THSD4: variants seen among roughly 807,000 people sequenced by gnomAD.
The protein encoded by THSD4 is thrombospondin type 1 domain containing 4.
A neutral mutation model predicts 119.0 loss-of-function variants in THSD4; 69 were observed. That is an observed-to-expected ratio of 0.58 (90% CI 0.48 to 0.71). The LOEUF (loss-of-function observed/expected upper bound fraction) is 0.71, where lower values mean the gene tolerates loss of function less well. Ranked by LOEUF, THSD4 falls within the 30% of genes least tolerant of loss-of-function variation. THSD4 has a pLI of 0.00. For missense variants in THSD4, 1,393 were observed against 1,391.1 expected, an observed-to-expected ratio of 1.00 and a Z score of -0.02; for synonymous variants, 524 against 540.4, an observed-to-expected ratio of 0.97 and a Z score of 0.42.
chr15:71,757,914 T>C lies in THSD4; in HGVS notation c.2428T>C (p.Cys810Arg). ...TEWSERCSAE[C>R]GAGVRTRSVV... ...CCCTGTCTCACAGTGCTCAGCGGAG[T>C]GTGGGGCCGGAGTGCGGACACGCTC... is the stretch of plus-strand genomic sequence containing the variant. The change falls in exon 15 of 18, where the codon TGT (cysteine) becomes CGT (arginine). Residue 810 changes from cysteine (C) to arginine (R), a missense_variant. By Grantham distance (180) the Cys-to-Arg change is radical. Transcript: ENST00000261862. 6.2e-7 allele frequency: 1 copy of C among 1,613,300 alleles called. No individual in the cohort carries two copies. Among genetic ancestry groups the C allele is most frequent in the Non-Finnish European group, 8.5e-7 (1 of 1,179,946 alleles).
At chr15:71,374,881 A>T (rs1272157031) in intron 6 of THSD4, among the ~76,000 whole-genome samples, 2 of 152,246 alleles carry the variant, frequency 1.3e-5, no homozygotes, top group Non-Finnish European at 2.9e-5. Flanking sequence ...ATTAATCACC[A>T]TGCACAGACG....
chr15:71,680,186 T>G (rs747150419), intron 8 of THSD4, among the ~76,000 whole-genome samples: 2 of 152,168 alleles, frequency 1.3e-5, no homozygotes, highest in African/African-American at 2.4e-5. Context: ...CTAAATCCCT[T>G]CCCTTGTCTC....
At chr15:71,642,421 A>T (rs2050875914) in intron 7 of THSD4, among the ~76,000 whole-genome samples, 1 of 152,050 alleles carries the variant, frequency 6.6e-6, no homozygotes, top group African/African-American at 2.4e-5. Flanking sequence ...AACTAGAAAT[A>T]CCATTTGACC....
intron 7 of THSD4, among the ~76,000 whole-genome samples, chr15:71,542,084 G>A (rs1377118287): frequency 6.6e-6 from 1 of 152,238 alleles, no homozygotes; most frequent in Non-Finnish European, 1.5e-5. Flanking sequence ...AATATATGGA[G>A]GAGGCGGGAC....
chr15:71,187,052 C>T (rs2043613879), intron 3 of THSD4: 1 of 152,224 alleles, frequency 6.6e-6, no homozygotes, highest in Admixed American at 6.5e-5. Context: ...AGTGGAAAAG[C>T]AGCCTTTTCA....
At chr15:71,270,811 G>A (rs2044519366) in intron 6 of THSD4, among the ~76,000 whole-genome samples, 1 of 7,066 alleles carries the variant, frequency 1.4e-4, no homozygotes, top group Admixed American at 2.6e-3. Flanking sequence ...GGGAATTAGA[G>A]TGGTCAGGTA....
chr15:71,357,336 G>T (rs145993514), intron 6 of THSD4, among the ~76,000 whole-genome samples: 1 of 152,338 alleles, frequency 6.6e-6, no homozygotes, highest in East Asian at 1.9e-4. Flanking sequence ...CATCGCTGAG[G>T]TGTTGCTGAG....
intron 17 of THSD4, among the ~76,000 whole-genome samples, chr15:71,773,454 T>G (rs1010421979): frequency 1.3e-5 from 2 of 152,228 alleles, no homozygotes; most frequent in South Asian, 2.1e-4. Flanking sequence ...GTGTTGCCAC[T>G]GTTTTTGTCT....
In THSD4 at chr15:71,682,878, T is replaced by TC. The variant is rs2051817124; in HGVS notation, c.1357+22144_1357+22145insC. On this transcript the variant is annotated intron_variant, in intron 8 of 17. Coordinates refer to ENST00000261862, the MANE Select transcript of THSD4 (RefSeq NM_024817.3). Reference sequence around the variant, plus strand: ...CTACTTTCTTTCTTTCTTTCTTTCTTTCTTTCTTTCTTTCTTTCTTTCTTT... The same window carrying TC: ...CTACTTTCTTTCTTTCTTTCTTTCTTCTCTTTCTTTCTTTCTTTCTTTCTTT... 1.1e-4 allele frequency among the ~76,000 whole-genome samples: 2 copies of TC among 18,726 alleles called. 1 individual carries two copies. The allele number at this position is 18,726 out of a possible 152,430, so 12.3% of individuals were successfully genotyped here.
intron 8 of THSD4, among the ~76,000 whole-genome samples, chr15:71,662,487 C>T (rs1459182831): frequency 6.6e-6 from 1 of 152,182 alleles, no homozygotes; most frequent in Non-Finnish European, 1.5e-5. Flanking sequence ...AAACATCCTG[C>T]CTCCTAGAAT....
chr15:71,697,350 G>A (rs1035148637), intron 8 of THSD4, among the ~76,000 whole-genome samples: 11 of 152,160 alleles, frequency 7.2e-5, no homozygotes, highest in African/African-American at 1.4e-4. Flanking sequence ...TGAAGGAGCC[G>A]GCTGGGGGTG....
At chr15:71,263,547 T>C (rs1341426609) in intron 6 of THSD4, among the ~76,000 whole-genome samples, 1 of 152,186 alleles carries the variant, frequency 6.6e-6, no homozygotes, top group Non-Finnish European at 1.5e-5. Context: ...TTTCTGTCTC[T>C]AAGTCTTTGA....
At chr15:71,099,585 C>T (rs1371177574) in intron 1 of THSD4, among the ~76,000 whole-genome samples, 1 of 151,704 alleles carries the variant, frequency 6.6e-6, no homozygotes, top group Non-Finnish European at 1.5e-5. Flanking sequence ...AATTATATTC[C>T]AGGTTTCTTT....
chr15:71,705,232 AAACT>A (rs947534590), intron 8 of THSD4, among the ~76,000 whole-genome samples: 20 of 152,318 alleles, frequency 1.3e-4, no homozygotes, highest in African/African-American at 4.8e-4. Context: ...GGTGTCCCTC[AAACT>A]GAGTCTTCAA....
intron 6 of THSD4, among the ~76,000 whole-genome samples, chr15:71,382,988 A>C (rs1479384126): frequency 6.6e-6 from 1 of 152,238 alleles, no homozygotes; most frequent in East Asian, 1.9e-4. Context: ...CTTTGAAACA[A>C]TGAATTTTGA....
chr15:71,377,875 C>CACACACACACACACACACAA (rs2046163140), intron 6 of THSD4, among the ~76,000 whole-genome samples: 1 of 72,432 alleles, frequency 1.4e-5, no homozygotes, highest in South Asian at 4.9e-4. Flanking sequence ...ACAACACACA[C>CACACACACACACACACACAA]ACACACACAC....
At chr15:71,714,864 T>G (rs982073616) in intron 8 of THSD4, among the ~76,000 whole-genome samples, 1 of 152,158 alleles carries the variant, frequency 6.6e-6, no homozygotes, top group African/African-American at 2.4e-5. Context: ...CCTGCACGTG[T>G]ACCCCCAATC....
intron 7 of THSD4, among the ~76,000 whole-genome samples, chr15:71,512,967 C>G (rs1043605226): frequency 1.3e-5 from 2 of 152,136 alleles, no homozygotes; most frequent in Admixed American, 6.5e-5. Context: ...GCAGGAAGCT[C>G]AAAACCCAGT....
chr15:71,411,664 T>G, intron 6 of THSD4, 23 bp from the exon 7 acceptor site: 1 of 1,599,676 alleles, frequency 6.3e-7, no homozygotes, highest in Non-Finnish European at 8.5e-7. Context: ...TTTATTTTAT[T>G]TTATTTCATT....
Sources: allele counts gnomAD v4.1 joint callset (sites outside exome capture counted in the v4.1 genomes callset), GRCh38; gene constraint gnomAD v4.1.1; transcripts MANE v1.5; gene names NCBI Gene and HGNC (gene_info 2026-07-23, HGNC 2026-07-21).